The following GPR107 variants were observed in gnomAD, a reference collection of about 807,000 sequenced individuals.
The protein encoded by GPR107 is protein GPR107.
Under a neutral mutation model 75.5 loss-of-function variants are expected in GPR107, and 31 were observed. The observed-to-expected ratio is 0.41, with a 90% confidence interval of 0.31 to 0.55. The LOEUF is 0.55. Ranked by LOEUF, GPR107 falls within the 20% of genes least tolerant of loss-of-function variation. The pLI, the probability that GPR107 is intolerant of heterozygous loss-of-function variation, is 0.26. For missense variants in GPR107, 572 were observed against 665.7 expected (o/e 0.86, Z 1.55); for synonymous variants, 267 against 251.3 (o/e 1.06, Z -0.59).
intron 14 of GPR107, chr9:130,110,432 C>T (rs1392942304): frequency 2.1e-6 from 3 of 1,429,246 alleles, no homozygotes; most frequent in East Asian, 2.5e-5. Flanking sequence ...CATAGGTAAA[C>T]CAGGGTTCAC....
intron 1 of GPR107, among the ~76,000 whole-genome samples, chr9:130,073,705 G>C (rs890997367): frequency 6.6e-6 from 1 of 152,190 alleles, no homozygotes; most frequent in African/African-American, 2.4e-5. Context: ...TCCCTGTGAC[G>C]TTGCAGAAAC....
At chr9:130,098,771 G>A (rs1385418174) in intron 9 of GPR107, among the ~76,000 whole-genome samples, 2 of 152,166 alleles carry the variant, frequency 1.3e-5, no homozygotes, top group African/African-American at 4.8e-5. Flanking sequence ...ACTTTGGGAG[G>A]CAGAGGCGGG....
At chr9:130,114,363 C>T (rs559565101) in intron 14 of GPR107, among the ~76,000 whole-genome samples, 25 of 151,886 alleles carry the variant, frequency 1.6e-4, no homozygotes, top group African/African-American at 5.1e-4. Flanking sequence ...AGTAAGACTC[C>T]GTCTCGAAAA....
intron 16 of GPR107, 80 bp downstream of exon 16, chr9:130,127,646 T>A: frequency 1.3e-6 from 1 of 790,952 alleles, no homozygotes; most frequent in Non-Finnish European, 2.2e-6. Flanking sequence ...CAGTTGTTAC[T>A]AATTTATCTG....
intron 14 of GPR107, among the ~76,000 whole-genome samples, chr9:130,118,967 C>T (rs938816994): frequency 2.0e-5 from 3 of 152,226 alleles, no homozygotes; most frequent in East Asian, 3.9e-4. Context: ...CTCATTCTTT[C>T]ACCGTATTTG....
At chr9:130,075,381 A>C (rs1256531846) in intron 1 of GPR107, among the ~76,000 whole-genome samples, 1 of 150,360 alleles carries the variant, frequency 6.7e-6, no homozygotes, top group African/African-American at 2.5e-5. Flanking sequence ...AGTAGCTGGG[A>C]TTACAGGTGC....
At chr9:130,104,354 T>G (rs1831109141) in intron 12 of GPR107, 66 bp from the exon 13 acceptor site, 1 of 1,498,910 alleles carries the variant, frequency 6.7e-7, no homozygotes, top group Non-Finnish European at 9.2e-7. Context: ...CACCCCACAT[T>G]GGGGCTGCTA....
rs766664393 is a variant in GPR107, at chr9:130,101,107, T to C, written c.1015T>C (p.Leu339=). The C allele has an allele frequency of 6.3e-7, 1 of 1,580,928 alleles. No individual in the cohort carries two copies. Among genetic ancestry groups the C allele is most frequent in the Non-Finnish European group, 8.7e-7 (1 of 1,149,636 alleles). Residue 339 remains leucine (L), a splice_region_variant and synonymous_variant, in exon 12 of 18, where the codon TTG becomes CTG. Coordinates refer to ENST00000347136, the MANE Select transcript of GPR107 (RefSeq NM_020960.5). The stretch of plus-strand genomic sequence containing the variant: ...TCTGTTCCTTGTTTTCTCTTCCAGT[T>C]TGAAAGGGGCGCTACTCTTCATCAC... ...WAVVYYITHL[L]KGALLFITIA... is the part of the protein sequence containing the mutation.
chr9:130,068,102 T>A (rs1473939955), intron 1 of GPR107, among the ~76,000 whole-genome samples: 1 of 151,906 alleles, frequency 6.6e-6, no homozygotes, highest in African/African-American at 2.4e-5. Context: ...GAGAAATTGC[T>A]TGTGGTGCCT....
chr9:130,107,227 A>T (rs1008079281), intron 13 of GPR107, among the ~76,000 whole-genome samples: 1 of 152,162 alleles, frequency 6.6e-6, no homozygotes, highest in African/African-American at 2.4e-5. Flanking sequence ...CAGGAGCATT[A>T]AATGATGGAG....
intron 5 of GPR107, among the ~76,000 whole-genome samples, chr9:130,081,552 G>T (rs1830493089): frequency 6.6e-6 from 1 of 151,238 alleles, no homozygotes; most frequent in Non-Finnish European, 1.5e-5. Context: ...ACGTGCCTGT[G>T]ATCTCAGCTA....
intron 14 of GPR107, 117 bp from the exon 15 acceptor site, chr9:130,124,798 T>G (rs1831632180): frequency 1.6e-6 from 1 of 639,864 alleles, no homozygotes; most frequent in East Asian, 3.0e-5. Flanking sequence ...GATGTGCCTC[T>G]GAGTGGTCCT....
intron 14 of GPR107, chr9:130,108,707 TG>T (rs1247773272): frequency 1.8e-5 from 8 of 455,736 alleles, no homozygotes; most frequent in Non-Finnish European, 3.1e-5. Flanking sequence ...CACCAGCTTT[TG>T]TTTTCTTTCT....
At chr9:130,059,285 C>G (rs559211196) in intron 1 of GPR107, among the ~76,000 whole-genome samples, 1 of 152,002 alleles carries the variant, frequency 6.6e-6, no homozygotes, top group Non-Finnish European at 1.5e-5. Context: ...GTCAGGAGTT[C>G]GAGACCAGCC....
At chr9:130,079,592 G>T (rs1441435423) in intron 4 of GPR107, 38 bp from the exon 5 acceptor site, 1 of 1,604,944 alleles carries the variant, frequency 6.2e-7, no homozygotes. Flanking sequence ...CAGGAGCACT[G>T]CTTTGACCTT....
At chr9:130,109,885 T>C (rs992578188) in intron 14 of GPR107, among the ~76,000 whole-genome samples, 6 of 152,240 alleles carry the variant, frequency 3.9e-5, no homozygotes, top group African/African-American at 1.4e-4. Context: ...TTTCTTATTT[T>C]AATATATCGC....
intron 1 of GPR107, among the ~76,000 whole-genome samples, chr9:130,063,432 T>C (rs1829981304): frequency 6.6e-6 from 1 of 152,208 alleles, no homozygotes; most frequent in South Asian, 2.1e-4. Context: ...CCTCATGATC[T>C]GCCCGCCTTG....
chr9:130,069,910 T>C (rs1163524953), intron 1 of GPR107, among the ~76,000 whole-genome samples: 1 of 150,572 alleles, frequency 6.6e-6, no homozygotes, highest in African/African-American at 2.4e-5. Flanking sequence ...GGTCTCAAAC[T>C]GACCTAAGGG....
At chr9:130,128,882 T>C in intron 17 of GPR107, 121 bp downstream of exon 17, 1 of 895,578 alleles carries the variant, frequency 1.1e-6, no homozygotes, top group Non-Finnish European at 1.7e-6. Context: ...TTCCTCTATT[T>C]TTAGCAGAAG....
Sources: gnomAD v4.1 joint callset for allele counts (sites outside exome capture counted in the v4.1 genomes callset) on GRCh38, gnomAD v4.1.1 for gene constraint, MANE v1.5 for transcripts, NCBI Gene and HGNC (gene_info 2026-07-23, HGNC 2026-07-21) for gene names.